KLF7: variants seen among roughly 807,000 people sequenced by gnomAD.
KLF7 encodes KLF transcription factor 7.
In KLF7, 2 loss-of-function variants were observed where a neutral mutation model predicts 27.3. That is an observed-to-expected ratio of 0.07 (90% CI 0.03 to 0.23). KLF7 has a LOEUF of 0.23. KLF7 is among the 10% of genes least tolerant of loss of function. KLF7 has a pLI of 1.00. For missense variants in KLF7, 221 were observed against 394.1 expected (o/e 0.56, Z 3.72); for synonymous variants, 165 against 162.4 (o/e 1.02, Z -0.12).
At chr2:207,165,415 C>T (rs1044636652) in intron 1 of KLF7, 52 bp downstream of exon 1, 1 of 1,612,820 alleles carries the variant, frequency 6.2e-7, no homozygotes. Context: ...AACGCAGCCC[C>T]TGCGTCTCCG....
intron 3 of KLF7, among the ~76,000 whole-genome samples, chr2:207,081,637 A>G (rs1197851517): frequency 6.6e-6 from 1 of 152,144 alleles, no homozygotes; most frequent in Non-Finnish European, 1.5e-5. Flanking sequence ...TTATGATCAT[A>G]ATTGTGATTA....
At chr2:207,087,406 T>C (rs80286782) in intron 3 of KLF7, among the ~76,000 whole-genome samples, 2,502 of 152,220 alleles carry the variant, frequency 0.016, 84 homozygotes, top group African/African-American at 0.056. Context: ...CCCTTCCCTA[T>C]TCACCAAACA....
chr2:207,173,135 T>C, the KLF7 span, among the ~76,000 whole-genome samples: 11 of 152,292 alleles, frequency 7.2e-5, no homozygotes, highest in South Asian at 2.1e-3. Context: ...TGGAAGAACA[T>C]GAGAACATGT....
chr2:207,165,320 G>C (rs2078675582), intron 1 of KLF7, 147 bp downstream of exon 1: 4 of 1,214,156 alleles, frequency 3.3e-6, no homozygotes, highest in African/African-American at 1.5e-5. Flanking sequence ...GACTGTTTCA[G>C]AAAACATTTT....
chr2:207,148,354 G>A (rs549401882), intron 1 of KLF7, among the ~76,000 whole-genome samples: 3 of 152,244 alleles, frequency 2.0e-5, no homozygotes, highest in Non-Finnish European at 2.9e-5. Context: ...TGAGCTTCAG[G>A]GACCCGCTCG....
rs1259994712 is a variant in KLF7, at chr2:207,079,259, G to A, written c.*1954C>T. ...GTGAAAACAAAGGTTGCAGAAAGCT[G>A]AAAACCCAGATCTTGAAGGTTGCTG... On this transcript the variant is annotated 3_prime_UTR_variant, in exon 4 of 4. Transcript: ENST00000309446. The A allele has an allele frequency of 6.6e-6, 1 of 152,152 alleles. No individual in the cohort carries two copies. 9.4% of individuals were successfully genotyped at this position (152,152 alleles called of 1,614,324 possible).
chr2:207,141,071 G>GTA (rs1469555990), intron 1 of KLF7, among the ~76,000 whole-genome samples: 1 of 151,892 alleles, frequency 6.6e-6, no homozygotes, highest in Non-Finnish European at 1.5e-5. Context: ...AAAAGTATTA[G>GTA]TATATATATA....
At chr2:207,105,920 C>A (rs1192711908) in intron 2 of KLF7, among the ~76,000 whole-genome samples, 1 of 152,000 alleles carries the variant, frequency 6.6e-6, no homozygotes, top group Non-Finnish European at 1.5e-5. Context: ...AAAATACGCA[C>A]CAGATTTTGA....
At chr2:207,130,836 CAAGTT>C (rs1294243877) in intron 1 of KLF7, among the ~76,000 whole-genome samples, 1 of 152,128 alleles carries the variant, frequency 6.6e-6, no homozygotes, top group African/African-American at 2.4e-5. Flanking sequence ...CATGTATACT[CAAGTT>C]AGTAAGTAAA....
upstream of KLF7, among the ~76,000 whole-genome samples, chr2:207,171,203 A>C (rs142905132): frequency 4.2e-3 from 640 of 151,994 alleles, 1 homozygote; most frequent in Middle Eastern, 0.014. Context: ...TCGGGTGAGA[A>C]TAGCAAAAGA....
intron 2 of KLF7, among the ~76,000 whole-genome samples, chr2:207,114,458 G>A (rs1027594873): frequency 6.6e-6 from 1 of 152,140 alleles, no homozygotes; most frequent in Non-Finnish European, 1.5e-5. Flanking sequence ...ATAAACACAC[G>A]AAATGAAGAC....
chr2:207,123,723 G>A, intron 2 of KLF7, 51 bp downstream of exon 2: 1 of 1,560,562 alleles, frequency 6.4e-7, no homozygotes, highest in South Asian at 1.2e-5. Flanking sequence ...CACATGACGA[G>A]GCTACAGGAG....
rs1235104966 is a variant in KLF7, at chr2:207,077,683, C to T, written c.*3530G>A. On this transcript the variant is annotated 3_prime_UTR_variant, in exon 4 of 4. Coordinates refer to ENST00000309446, the MANE Select transcript of KLF7 (RefSeq NM_003709.4). ...CCAGGCATTGAGCTGAGCCATTAACCATGGGTGGGGCAGGAGGCCAGTAGC... is the reference window on the plus strand; with the variant it reads ...CCAGGCATTGAGCTGAGCCATTAACTATGGGTGGGGCAGGAGGCCAGTAGC... 1.3e-5 allele frequency: 2 copies of T among 152,080 alleles called. No individual in the cohort carries two copies. Among genetic ancestry groups the T allele is most frequent in the Non-Finnish European group, 2.9e-5 (2 of 68,038 alleles). The allele number at this position is 152,080 out of a possible 1,614,324, so 9.4% of individuals were successfully genotyped here.
At chr2:207,094,506 C>T (rs1013458510) in intron 2 of KLF7, among the ~76,000 whole-genome samples, 1 of 152,208 alleles carries the variant, frequency 6.6e-6, no homozygotes, top group African/African-American at 2.4e-5. Flanking sequence ...GTTAATACTG[C>T]TGCCTAATAC....
rs528030299 is a variant in KLF7 at position 207,124,299 on chromosome 2, T to C, written c.208A>G (p.Ile70Val). Residue 70 changes from isoleucine (I) to valine (V), a missense_variant, in exon 2 of 4, where the codon ATT becomes GTT. Coordinates refer to ENST00000309446, the MANE Select transcript of KLF7 (RefSeq NM_003709.4). ...CFLHASPPPC[I>V]EESFRRLDPL... ...TCTAAGCGACGGAAGCTTTCCTCAATGCACGGGGGAGGGGAAGCGTGGAGG... is the reference window on the plus strand; with the variant it reads ...TCTAAGCGACGGAAGCTTTCCTCAACGCACGGGGGAGGGGAAGCGTGGAGG... The C allele has an allele frequency of 3.7e-6, 6 of 1,613,622 alleles. No homozygotes were observed. The African/African-American group carries it at 8.0e-5, about 22-fold the overall frequency.
At chr2:207,153,626 C>CT (rs5838051) in intron 1 of KLF7, among the ~76,000 whole-genome samples, 8 of 149,772 alleles carry the variant, frequency 5.3e-5, no homozygotes, top group South Asian at 2.1e-4. Flanking sequence ...TATTAAGAAT[C>CT]TTTTTTTTTT....
At chr2:207,110,669 G>C (rs1280708814) in intron 2 of KLF7, among the ~76,000 whole-genome samples, 1 of 152,202 alleles carries the variant, frequency 6.6e-6, no homozygotes, top group Non-Finnish European at 1.5e-5. Context: ...CAATCTAGAA[G>C]GTTAAGCATT....
chr2:207,122,815 G>A (rs557451872), intron 2 of KLF7, among the ~76,000 whole-genome samples: 438 of 152,096 alleles, frequency 2.9e-3, no homozygotes, highest in Non-Finnish European at 4.3e-3. Flanking sequence ...TATTCAGCTC[G>A]CAGTGTGCAA....
At chr2:207,148,204 A>C (rs1350008484) in intron 1 of KLF7, among the ~76,000 whole-genome samples, 4 of 152,194 alleles carry the variant, frequency 2.6e-5, no homozygotes, top group South Asian at 2.1e-4. Flanking sequence ...TGATCCCAGA[A>C]TTTAATTTCT....
Sources: allele counts gnomAD v4.1 joint callset (sites outside exome capture counted in the v4.1 genomes callset), GRCh38; gene constraint gnomAD v4.1.1; transcripts MANE v1.5; gene names NCBI Gene and HGNC (gene_info 2026-07-23, HGNC 2026-07-21).